The following ZNF287 variants were observed in gnomAD, a reference collection of about 807,000 sequenced individuals.
The protein encoded by ZNF287 is zinc finger protein with KRAB and SCAN domains 13.
Under a neutral mutation model 73.7 loss-of-function variants are expected in ZNF287, and 31 were observed. The ratio of observed to expected loss-of-function variants is 0.42; its 90% CI spans 0.32 to 0.57. The LOEUF is 0.57. ZNF287 is among the 20% of genes least tolerant of loss of function. The probability of loss-of-function intolerance (pLI) is 0.13; values close to 1 mark genes in which losing one functional copy is unlikely to be tolerated. For synonymous variants in ZNF287, 301 were observed against 307.2 expected, an observed-to-expected ratio of 0.98 and a Z score of 0.21; for missense variants, 641 against 909.3, an observed-to-expected ratio of 0.70 and a Z score of 3.79.
At position 16,557,338 on chromosome 17, in the gene ZNF287, A is replaced by C. The variant is rs1044830562; in HGVS notation, c.716-3912T>G. Among the ~76,000 whole-genome samples the C allele has an allele frequency of 5.9e-5, 9 of 152,272 alleles. No homozygotes were observed. The East Asian group carries it at 1.7e-3, about 29-fold the overall frequency. On this transcript the variant is annotated intron_variant, in intron 5 of 5. Transcript: ENST00000395825. The stretch of plus-strand genomic sequence containing the variant: ...TAATGTTGACTCAGGTAATCAAGGA[A>C]AGCTTCAGTGGAGGAAGTGTGATTT...
At chr17:16,559,631 G>A (rs185176633) in intron 5 of ZNF287, among the ~76,000 whole-genome samples, 1 of 148,598 alleles carries the variant, frequency 6.7e-6, no homozygotes, top group African/African-American at 2.5e-5. Context: ...CTGAACAGAA[G>A]CAATGATACC....
Position 16,551,891 on chromosome 17 carries a change from G to T in ZNF287, c.2251C>A (p.Gln751Lys). 6.2e-7 allele frequency: 1 copy of T among 1,608,596 alleles called. No individual in the cohort carries two copies. The highest frequency in any genetic ancestry group is 8.5e-7 in the Non-Finnish European group (1 of 1,176,438). ...TGTTTGGCACCTGTATGAACACGTT[G>T]ATGCTGAATAAGGTTTGTACTCTGG... ...FTQSTNLIQHQRVHTGAKHRN is the reference protein window; with the variant it reads ...FTQSTNLIQHKRVHTGAKHRN The change falls in exon 6 of 6, where the codon CAA becomes AAA. Residue 751 changes from glutamine to lysine, a missense_variant. Gln to Lys is a moderately conservative substitution (Grantham distance 53). Coordinates refer to ENST00000395825, the MANE Select transcript of ZNF287 (RefSeq NM_020653.4).
Position 16,551,847 on chromosome 17 carries a change from C to T in ZNF287, c.*9G>A, listed in dbSNP as rs1435573995. On this transcript the variant is annotated 3_prime_UTR_variant, in exon 6 of 6. Transcript: ENST00000395825. The stretch of plus-strand genomic sequence containing the variant: ...AGTTGTAAAACCGAATTGAAGTTTC[C>T]CTTATCCATTAATTACGATGTTTGG... 3.8e-6 allele frequency: 6 copies of T among 1,562,120 alleles called. No individual in the cohort carries two copies. The highest frequency in any genetic ancestry group is 2.4e-5 in the South Asian group (2 of 82,622).
At chr17:16,555,638 A>T (rs1018076886) in intron 5 of ZNF287, among the ~76,000 whole-genome samples, 6 of 149,130 alleles carry the variant, frequency 4.0e-5, no homozygotes, top group Non-Finnish European at 7.4e-5. Flanking sequence ...ACACACACAC[A>T]CACCCCAAAC....
chr17:16,551,171 C>G lies in ZNF287; in HGVS notation c.*685G>C, dbSNP rs1311908354. Among the ~76,000 whole-genome samples the G allele has an allele frequency of 6.6e-6, 1 of 151,910 alleles. No homozygotes were observed. The highest frequency in any genetic ancestry group is 1.5e-5 in the Non-Finnish European group (1 of 67,996). ...CATAACAGGAGAAGGGGAAGTAAAA[C>G]AGGGAAGGGAGTCCTTTACATATTT... On this transcript the variant is annotated 3_prime_UTR_variant, in exon 6 of 6. Coordinates refer to ENST00000395825, the MANE Select transcript of ZNF287 (RefSeq NM_020653.4).
At chr17:16,558,788 G>T (rs911573886) in intron 5 of ZNF287, among the ~76,000 whole-genome samples, 1 of 152,094 alleles carries the variant, frequency 6.6e-6, no homozygotes, top group Non-Finnish European at 1.5e-5. Context: ...ACCAGTCTGG[G>T]AAACATGGCA....
chr17:16,563,125 C>T, intron 5 of ZNF287, 21 bp downstream of exon 5: 1 of 1,546,476 alleles, frequency 6.5e-7, no homozygotes, highest in South Asian at 1.1e-5. Flanking sequence ...CAAAGAAGCT[C>T]ATGCGCTTTT....
intron 5 of ZNF287, among the ~76,000 whole-genome samples, chr17:16,554,370 C>T (rs1283320273): frequency 6.6e-6 from 1 of 152,118 alleles, no homozygotes; most frequent in Non-Finnish European, 1.5e-5. Flanking sequence ...GACATGGTTT[C>T]ACCATGTTGG....
rs940066978 is a variant in ZNF287, at chr17:16,550,294, T to G, written c.*1562A>C. ...GAGTGTCAGGCTTCCAATTATTCTTTAAAAATCGGTCATTTTGTTTTTAGT... is the reference window on the plus strand; with the variant it reads ...GAGTGTCAGGCTTCCAATTATTCTTGAAAAATCGGTCATTTTGTTTTTAGT... On this transcript the variant is annotated 3_prime_UTR_variant, in exon 6 of 6. Coordinates refer to ENST00000395825, the MANE Select transcript of ZNF287 (RefSeq NM_020653.4). Among the ~76,000 whole-genome samples the G allele has an allele frequency of 1.3e-5, 2 of 152,208 alleles. No individual in the cohort carries two copies. Among genetic ancestry groups the G allele is most frequent in the Non-Finnish European group, 2.9e-5 (2 of 68,026 alleles).
Position 16,551,670 on chromosome 17 carries a change from A to T in ZNF287, c.*186T>A. 1 of 558,916 alleles carries T rather than the reference A, an allele frequency of 1.8e-6. No homozygotes were observed. Among genetic ancestry groups the T allele is most frequent in the Non-Finnish European group, 3.0e-6 (1 of 337,228 alleles). 34.6% of individuals were successfully genotyped at this position (558,916 alleles called of 1,614,324 possible). ...CATATCAAATTAAGGTTAAGAAGTCAAGTTTCCTTCTTAAATTTCACATTA... is the reference window on the plus strand; with the variant it reads ...CATATCAAATTAAGGTTAAGAAGTCTAGTTTCCTTCTTAAATTTCACATTA... On this transcript the variant is annotated 3_prime_UTR_variant, in exon 6 of 6. Coordinates refer to ENST00000395825, the MANE Select transcript of ZNF287 (RefSeq NM_020653.4).
chr17:16,554,551 C>G (rs976239784), intron 5 of ZNF287, among the ~76,000 whole-genome samples: 1 of 152,142 alleles, frequency 6.6e-6, no homozygotes, highest in African/African-American at 2.4e-5. Flanking sequence ...TTTTACGATG[C>G]CTTCTCCACC....
At chr17:16,566,296 T>C (rs1320220864) in intron 3 of ZNF287, among the ~76,000 whole-genome samples, 2 of 152,180 alleles carry the variant, frequency 1.3e-5, no homozygotes, top group African/African-American at 4.8e-5. Flanking sequence ...CTATGTGATA[T>C]TGCTGACAAA....
chr17:16,568,029 C>A, intron 1 of ZNF287, 100 bp from the exon 2 acceptor site: 1 of 1,084,880 alleles, frequency 9.2e-7, no homozygotes, highest in Non-Finnish European at 1.1e-6. Flanking sequence ...TAGATGAACA[C>A]ACATAAGCTT....
At chr17:16,558,416 C>T (rs768078946) in intron 5 of ZNF287, 8 of 151,948 alleles carry the variant, frequency 5.3e-5, no homozygotes, top group Non-Finnish European at 8.8e-5. Flanking sequence ...CTCACTTCAG[C>T]CTCCCTGGTA....
chr17:16,562,539 G>A (rs1907508989), intron 5 of ZNF287, among the ~76,000 whole-genome samples: 1 of 152,130 alleles, frequency 6.6e-6, no homozygotes, highest in African/African-American at 2.4e-5. Context: ...GGAAAACAGT[G>A]GTTCATTGAC....
intron 5 of ZNF287, 51 bp downstream of exon 5, chr17:16,563,095 A>G (rs754020961): frequency 7.2e-7 from 1 of 1,382,686 alleles, no homozygotes; most frequent in Non-Finnish European, 1.0e-6. Context: ...CACCACATTT[A>G]GGATATAGAT....
Position 16,548,912 on chromosome 17 carries a change from T to C in ZNF287, c.*2944A>G, listed in dbSNP as rs142324108. Among the ~76,000 whole-genome samples the C allele has an allele frequency of 0.014, 2,162 of 152,088 alleles. 26 individuals carry two copies. The highest frequency in any genetic ancestry group is 0.019 in the African/African-American group (793 of 41,528). On this transcript the variant is annotated 3_prime_UTR_variant, in exon 6 of 6. Transcript: ENST00000395825. Reference sequence around the variant, plus strand: ...AGAGGAAATTTAAACACAGACTAAGTCTTCAGATATTAGGGAATTACTATT... The same window carrying C: ...AGAGGAAATTTAAACACAGACTAAGCCTTCAGATATTAGGGAATTACTATT...
At chr17:16,557,106 A>C (rs1907127070) in intron 5 of ZNF287, among the ~76,000 whole-genome samples, 1 of 152,100 alleles carries the variant, frequency 6.6e-6, no homozygotes, top group Admixed American at 6.5e-5. Flanking sequence ...TCAGCCTCCC[A>C]AAGTGCTGAG....
rs1250102800 is a variant in ZNF287, at chr17:16,549,066, T to TA, written c.*2789dup. On this transcript the variant is annotated 3_prime_UTR_variant, in exon 6 of 6. Transcript: ENST00000395825. ...TGTAAGTTACTTTCCAATGTTTGGTTAAAAAAAATACGGCAGAATGTTAGT... is the reference window on the plus strand; with the variant it reads ...TGTAAGTTACTTTCCAATGTTTGGTTAAAAAAAAATACGGCAGAATGTTAGT... Among the ~76,000 whole-genome samples, 3 of 151,826 alleles carry TA rather than the reference T, an allele frequency of 2.0e-5. No individual in the cohort carries two copies. Among genetic ancestry groups the TA allele is most frequent in the East Asian group, 3.9e-4 (2 of 5,194 alleles).
Sources: gnomAD v4.1 joint callset for allele counts (sites outside exome capture counted in the v4.1 genomes callset) on GRCh38, gnomAD v4.1.1 for gene constraint, MANE v1.5 for transcripts, NCBI Gene and HGNC (gene_info 2026-07-23, HGNC 2026-07-21) for gene names.